HELLS: variants seen among roughly 807,000 people sequenced by gnomAD.
HELLS encodes the protein helicase, lymphoid specific.
A neutral mutation model predicts 120.0 loss-of-function variants in HELLS; 32 were observed. The ratio of observed to expected loss-of-function variants is 0.27; its 90% CI spans 0.20 to 0.36. HELLS has a LOEUF of 0.36. Among genes scored for constraint, HELLS ranks in the 10% least tolerant of loss-of-function variants. The probability of loss-of-function intolerance (pLI) is 1.00; values close to 1 mark genes in which losing one functional copy is unlikely to be tolerated. For synonymous variants in HELLS, 341 were observed against 323.4 expected, an observed-to-expected ratio of 1.05 and a Z score of -0.58; for missense variants, 650 against 993.4, an observed-to-expected ratio of 0.65 and a Z score of 4.65.
intron 4 of HELLS, among the ~76,000 whole-genome samples, chr10:94,562,082 A>G (rs1440712379): frequency 6.7e-6 from 1 of 149,082 alleles, no homozygotes; most frequent in Non-Finnish European, 1.5e-5. Context: ...CGCCCGGCCA[A>G]GATGTACATG....
At chr10:94,571,491 C>T in intron 7 of HELLS, 62 bp downstream of exon 7, 1 of 1,332,350 alleles carries the variant, frequency 7.5e-7, no homozygotes, top group Middle Eastern at 2.0e-4. Flanking sequence ...GTTACTAGTC[C>T]TTTTTCTTTA....
At chr10:94,603,673 C>T (rs1170327445), downstream of HELLS, among the ~76,000 whole-genome samples, 3 of 152,072 alleles carry the variant, frequency 2.0e-5, no homozygotes, top group African/African-American at 7.2e-5. Flanking sequence ...TTGTTTAATC[C>T]AAATTTACTT....
rs1472468266 is a variant in HELLS, at chr10:94,577,406, GT to G, written c.1032+602del. On this transcript the variant is annotated intron_variant, in intron 10 of 21. Coordinates refer to ENST00000348459, the MANE Select transcript of HELLS (RefSeq NM_018063.5). ...CTCTGGCCATGTGAGAACCCTCTTA[GT>G]GCAGTCCCCTTAGGTTTATCTTGCT... 2.1e-5 allele frequency: 4 copies of G among 187,996 alleles called. No individual in the cohort carries two copies. The Admixed American group carries it at 2.3e-4, about 11-fold the overall frequency. The allele number at this position is 187,996 out of a possible 1,614,324, so 11.6% of individuals were successfully genotyped here.
At chr10:94,595,921 A>G (rs1845717250) in intron 19 of HELLS, among the ~76,000 whole-genome samples, 1 of 152,190 alleles carries the variant, frequency 6.6e-6, no homozygotes, top group Non-Finnish European at 1.5e-5. Flanking sequence ...GTAAGAGTGT[A>G]TTAAGGTTTA....
chr10:94,574,854 G>A (rs779476779), intron 9 of HELLS, 118 bp downstream of exon 9: 2 of 814,152 alleles, frequency 2.5e-6, no homozygotes, highest in Non-Finnish European at 3.7e-6. Context: ...TAAATATTTT[G>A]TCTGATTTGA....
chr10:94,568,321 G>A (rs1026632029), intron 6 of HELLS, among the ~76,000 whole-genome samples: 2 of 151,504 alleles, frequency 1.3e-5, no homozygotes, highest in African/African-American at 4.9e-5. Context: ...TTGATACCTA[G>A]CACAAAGCAA....
chr10:94,546,763 G>C (rs1165657041), intron 2 of HELLS, among the ~76,000 whole-genome samples: 1 of 152,140 alleles, frequency 6.6e-6, no homozygotes, highest in Non-Finnish European at 1.5e-5. Context: ...TGCTTGTTTA[G>C]CCATGAAAAG....
chr10:94,546,170 G>T (rs1842744138), intron 1 of HELLS, among the ~76,000 whole-genome samples: 2 of 152,160 alleles, frequency 1.3e-5, no homozygotes, highest in Admixed American at 1.3e-4. Flanking sequence ...GCATTTTCCC[G>T]AGCATCCCGA....
At chr10:94,546,047 AC>A in intron 1 of HELLS, 95 bp downstream of exon 1, 1 of 1,406,772 alleles carries the variant, frequency 7.1e-7, no homozygotes, top group Middle Eastern at 2.1e-4. Flanking sequence ...GAGGGAGCCG[AC>A]CCCGGGCAGG....
intron 21 of HELLS, among the ~76,000 whole-genome samples, chr10:94,597,346 G>A (rs1027198129): frequency 6.6e-6 from 1 of 151,970 alleles, no homozygotes; most frequent in Non-Finnish European, 1.5e-5. Context: ...AATAACACTT[G>A]TAAATGAATA....
intron 3 of HELLS, chr10:94,557,295 C>A: frequency 4.2e-6 from 1 of 237,330 alleles, no homozygotes; most frequent in Non-Finnish European, 8.9e-6. Context: ...GTCAAATCTC[C>A]TTTTTCCTTT....
chr10:94,567,618 A>G (rs1009624976), intron 6 of HELLS, among the ~76,000 whole-genome samples: 2 of 152,158 alleles, frequency 1.3e-5, no homozygotes, highest in Non-Finnish European at 2.9e-5. Context: ...TTTTAAGAGT[A>G]GGCTGGACTG....
At chr10:94,580,143 ATATATATATAT>A (rs1277721590) in intron 10 of HELLS, among the ~76,000 whole-genome samples, 1 of 79,432 alleles carries the variant, frequency 1.3e-5, no homozygotes, top group African/African-American at 6.9e-5. Context: ...ATATATATAT[ATATATATATAT>A]ATATATATAC....
chr10:94,558,001 T>C, intron 3 of HELLS, 138 bp from the exon 4 acceptor site: 1 of 1,140,244 alleles, frequency 8.8e-7, no homozygotes, highest in Non-Finnish European at 1.2e-6. Context: ...AGGCTTGAAG[T>C]ACAAGTTCCT....
At chr10:94,564,638 G>A (rs532797719) in intron 6 of HELLS, among the ~76,000 whole-genome samples, 1 of 151,858 alleles carries the variant, frequency 6.6e-6, no homozygotes, top group African/African-American at 2.4e-5. Context: ...CTTGGAGACA[G>A]TCTTGCTCTG....
intron 2 of HELLS, among the ~76,000 whole-genome samples, chr10:94,549,034 T>C (rs1194504582): frequency 6.6e-6 from 1 of 152,146 alleles, no homozygotes; most frequent in Non-Finnish European, 1.5e-5. Flanking sequence ...TTAATATAAG[T>C]GTGTAATTTG....
exon 10 of HELLS, chr10:94,612,235 A>G (rs1418220248): frequency 6.6e-6 from 1 of 152,168 alleles, no homozygotes. Flanking sequence ...AAAAAAAAGA[A>G]AGCTTTGGAT....
intron 10 of HELLS, among the ~76,000 whole-genome samples, chr10:94,580,654 A>T (rs1844824037): frequency 6.6e-6 from 1 of 152,142 alleles, no homozygotes; most frequent in South Asian, 2.1e-4. Context: ...TATAAAGCAA[A>T]ATGCAAAACG....
At position 94,562,799 on chromosome 10, in the gene HELLS, T is replaced by A. The variant is rs775936373; in HGVS notation, c.371-13T>A. The A allele has an allele frequency of 9.3e-6, 14 of 1,502,306 alleles. No individual in the cohort carries two copies. In the East Asian group the frequency reaches 2.0e-4, roughly 22 times the overall value. 93.1% of individuals were successfully genotyped at this position (1,502,306 alleles called of 1,614,324 possible). A position where few individuals can be genotyped will look rare whatever the true frequency, so the allele number is the denominator to read the frequency against. On this transcript the variant is annotated splice_polypyrimidine_tract_variant and intron_variant, in intron 5 of 21. Coordinates refer to ENST00000348459, the MANE Select transcript of HELLS (RefSeq NM_018063.5). ...ATTTTAATTGCTATCAAAAATAAAA[T>A]TTTTTTTTATAGTTATGAGGAAAAA... is the stretch of plus-strand genomic sequence containing the variant.
Sources: gnomAD v4.1 joint callset for allele counts (sites outside exome capture counted in the v4.1 genomes callset) on GRCh38, gnomAD v4.1.1 for gene constraint, MANE v1.5 for transcripts, NCBI Gene and HGNC (gene_info 2026-07-23, HGNC 2026-07-21) for gene names.